LHFPL3: variants seen among roughly 807,000 people sequenced by gnomAD.
LHFPL3 encodes LHFPL tetraspan subfamily member 3 protein.
In LHFPL3, 5 loss-of-function variants were observed where a neutral mutation model predicts 19.3. The observed-to-expected ratio is 0.26, with a 90% CI of 0.14 to 0.54. The LOEUF (loss-of-function observed/expected upper bound fraction) is 0.54. LHFPL3 is among the 20% of genes least tolerant of loss of function. The pLI, the probability that LHFPL3 is intolerant of heterozygous loss-of-function variation, is 0.94. For synonymous variants in LHFPL3, 133 were observed against 126.2 expected, an observed-to-expected ratio of 1.05 and a Z score of -0.36; for missense variants, 249 against 307.4, an observed-to-expected ratio of 0.81 and a Z score of 1.42.
At chr7:104,656,558 T>C (rs551323348) in intron 1 of LHFPL3, among the ~76,000 whole-genome samples, 2 of 152,348 alleles carry the variant, frequency 1.3e-5, no homozygotes, top group East Asian at 3.9e-4. Context: ...AGATCGTGCA[T>C]GGGCATCTTT....
At chr7:104,392,927 T>A (rs934265614) in intron 1 of LHFPL3, among the ~76,000 whole-genome samples, 4 of 152,196 alleles carry the variant, frequency 2.6e-5, no homozygotes, top group East Asian at 3.8e-4. Flanking sequence ...AGAGTGTATG[T>A]GTCCAGGAAT....
intron 1 of LHFPL3, among the ~76,000 whole-genome samples, chr7:104,659,893 C>A (rs899619020): frequency 1.3e-5 from 2 of 152,136 alleles, no homozygotes; most frequent in African/African-American, 2.4e-5. Context: ...CCCTGGTGTG[C>A]CTGCTGGCCC....
At chr7:104,719,490 A>C (rs1793447716) in intron 1 of LHFPL3, among the ~76,000 whole-genome samples, 1 of 152,222 alleles carries the variant, frequency 6.6e-6, no homozygotes, top group Non-Finnish European at 1.5e-5. Flanking sequence ...ATGCAATAAA[A>C]GCTCATTAAT....
intron 2 of LHFPL3, among the ~76,000 whole-genome samples, chr7:104,880,335 A>G (rs973644049): frequency 5.3e-5 from 8 of 152,040 alleles, no homozygotes; most frequent in African/African-American, 1.9e-4. Context: ...CAAGATTGGA[A>G]GCCTCCTGAG....
chr7:104,787,806 T>G (rs1789949007), intron 2 of LHFPL3, among the ~76,000 whole-genome samples: 1 of 152,196 alleles, frequency 6.6e-6, no homozygotes, highest in African/African-American at 2.4e-5. Flanking sequence ...CCCAGAGTGC[T>G]GGGATTACAG....
intron 2 of LHFPL3, among the ~76,000 whole-genome samples, chr7:104,829,663 T>C (rs1790907800): frequency 2.0e-5 from 3 of 151,892 alleles, no homozygotes; most frequent in Admixed American, 6.6e-5. Context: ...CATGAACTCA[T>C]CATTTTTTAT....
At chr7:104,685,439 A>AACAC (rs888359382) in intron 1 of LHFPL3, among the ~76,000 whole-genome samples, 2 of 151,758 alleles carry the variant, frequency 1.3e-5, no homozygotes, top group South Asian at 4.2e-4. Context: ...AGTGTGTGTA[A>AACAC]ACACACACAC....
At chr7:104,603,150 C>A (rs1455668145) in intron 1 of LHFPL3, among the ~76,000 whole-genome samples, 1 of 60,066 alleles carries the variant, frequency 1.7e-5, no homozygotes. Context: ...TTCCTTCCTT[C>A]CTTCCTTCCT....
intron 1 of LHFPL3, among the ~76,000 whole-genome samples, chr7:104,695,669 G>A (rs1792984278): frequency 6.6e-6 from 1 of 152,142 alleles, no homozygotes; most frequent in South Asian, 2.1e-4. Context: ...GGTGACAAGA[G>A]GAAGGGAAAG....
chr7:104,737,412 ATAGT>A (rs201858653), intron 2 of LHFPL3, among the ~76,000 whole-genome samples: 1,933 of 152,306 alleles, frequency 0.013, 29 homozygotes, highest in East Asian at 0.054. Flanking sequence ...CTGGCCCCAA[ATAGT>A]TAGTTAGAGA....
intron 1 of LHFPL3, among the ~76,000 whole-genome samples, chr7:104,703,453 A>G (rs1195626955): frequency 6.6e-6 from 1 of 152,230 alleles, no homozygotes; most frequent in Non-Finnish European, 1.5e-5. Context: ...AAAACCTAAG[A>G]GCACAAAGTT....
chr7:104,402,501 A>G (rs953504749), intron 1 of LHFPL3, among the ~76,000 whole-genome samples: 1 of 152,224 alleles, frequency 6.6e-6, no homozygotes, highest in African/African-American at 2.4e-5. Flanking sequence ...TAGAATAGCC[A>G]TGTTCTATTG....
intron 1 of LHFPL3, among the ~76,000 whole-genome samples, chr7:104,496,585 A>T (rs542355759): frequency 2.6e-3 from 389 of 152,300 alleles, no homozygotes; most frequent in Non-Finnish European, 2.8e-3. Context: ...CAGTCCCACC[A>T]ACAGTGTAAA....
At chr7:104,820,131 T>C (rs755439839) in intron 2 of LHFPL3, among the ~76,000 whole-genome samples, 16 of 152,140 alleles carry the variant, frequency 1.1e-4, no homozygotes, top group Non-Finnish European at 2.2e-4. Context: ...ATGTTATATC[T>C]GAAAATTGGA....
chr7:104,430,454 ATTTTTTTTTTTTTTTT>A (rs1172420054), intron 1 of LHFPL3, among the ~76,000 whole-genome samples: 28 of 15,268 alleles, frequency 1.8e-3, no homozygotes, highest in African/African-American at 7.5e-3. Context: ...ATATATATAT[ATTTTTTTTTTTTTTTT>A]TTTTTTTTTT....
chr7:104,692,659 G>A (rs4520089), intron 1 of LHFPL3, among the ~76,000 whole-genome samples: 13,434 of 152,288 alleles, frequency 0.088, 615 homozygotes, highest in East Asian at 0.13. Flanking sequence ...GCTTACACAC[G>A]GTGTTGGGCC....
intron 2 of LHFPL3, among the ~76,000 whole-genome samples, chr7:104,843,266 C>G (rs1030950110): frequency 6.6e-6 from 1 of 152,226 alleles, no homozygotes; most frequent in African/African-American, 2.4e-5. Context: ...GGTTAAAACC[C>G]TGCTCAAAGC....
At chr7:104,641,767 G>C (rs905544835) in intron 1 of LHFPL3, among the ~76,000 whole-genome samples, 10 of 152,102 alleles carry the variant, frequency 6.6e-5, no homozygotes, top group Admixed American at 2.6e-4. Context: ...TCACAAGATT[G>C]CCTGTTCACA....
chr7:104,815,025 G>A (rs1375684602), intron 2 of LHFPL3, among the ~76,000 whole-genome samples: 2 of 152,136 alleles, frequency 1.3e-5, no homozygotes, highest in East Asian at 1.9e-4. Context: ...TATGGAGCAG[G>A]AGGCCCAGGT....
Sources: allele counts gnomAD v4.1 joint callset (sites outside exome capture counted in the v4.1 genomes callset), GRCh38; gene constraint gnomAD v4.1.1; transcripts MANE v1.5; gene names NCBI Gene and HGNC (gene_info 2026-07-23, HGNC 2026-07-21).